The following TGFB2 variants were observed in gnomAD, a reference collection of about 807,000 sequenced individuals.
TGFB2 encodes the protein transforming growth factor beta-2 proprotein.
Under a neutral mutation model 42.7 loss-of-function variants are expected in TGFB2, and 13 were observed. The observed-to-expected ratio is 0.30, with a 90% CI of 0.20 to 0.48. TGFB2 has a LOEUF of 0.48. Among genes scored for constraint, TGFB2 ranks in the 20% least tolerant of loss-of-function variants. TGFB2 has a pLI of 0.99. For missense variants in TGFB2, 390 were observed against 517.5 expected (o/e 0.75, Z 2.39); for synonymous variants, 193 against 193.6 (o/e 1.00, Z 0.03).
chr1:218,422,986 G>C (rs1659505513), intron 2 of TGFB2, among the ~76,000 whole-genome samples: 1 of 152,110 alleles, frequency 6.6e-6, no homozygotes, highest in Non-Finnish European at 1.5e-5. Flanking sequence ...AATATTATTA[G>C]TTATTATTAT....
At chr1:218,377,715 A>G (rs1294061229) in intron 1 of TGFB2, among the ~76,000 whole-genome samples, 2 of 145,732 alleles carry the variant, frequency 1.4e-5, no homozygotes, top group Admixed American at 6.8e-5. Flanking sequence ...GTCGTGGCCT[A>G]TACCCTGGGT....
intron 2 of TGFB2, among the ~76,000 whole-genome samples, chr1:218,406,013 A>G (rs1483186864): frequency 6.6e-6 from 1 of 152,080 alleles, no homozygotes; most frequent in Non-Finnish European, 1.5e-5. Flanking sequence ...ACCTTCCTTT[A>G]TTCATCCTAT....
intron 2 of TGFB2, among the ~76,000 whole-genome samples, chr1:218,433,174 T>C (rs1485717797): frequency 6.6e-6 from 1 of 152,130 alleles, no homozygotes; most frequent in Non-Finnish European, 1.5e-5. Context: ...GTTCGGGTGA[T>C]TGTCCTGCTT....
At chr1:218,398,442 G>A (rs1487192368) in intron 1 of TGFB2, among the ~76,000 whole-genome samples, 1 of 152,136 alleles carries the variant, frequency 6.6e-6, no homozygotes, top group Admixed American at 6.5e-5. Context: ...CATCATTGGG[G>A]GACTTCTTGC....
chr1:218,432,039 G>A (rs927567380), intron 2 of TGFB2, among the ~76,000 whole-genome samples: 5 of 151,980 alleles, frequency 3.3e-5, no homozygotes, highest in African/African-American at 7.3e-5. Context: ...AAAAATCTTT[G>A]CCTCTGTCAT....
At chr1:218,441,100 A>C in intron 6 of TGFB2, 104 bp from the exon 7 acceptor site, 1 of 1,089,016 alleles carries the variant, frequency 9.2e-7, no homozygotes, top group Non-Finnish European at 1.3e-6. Context: ...TAAATTGCCT[A>C]CTCAGTGCTG....
intron 1 of TGFB2, among the ~76,000 whole-genome samples, chr1:218,380,950 T>G (rs1010433564): frequency 6.6e-6 from 1 of 152,202 alleles, no homozygotes; most frequent in Non-Finnish European, 1.5e-5. Context: ...ATGAGATAGA[T>G]GCTATTATTA....
chr1:218,356,723 C>T (rs1383463716), intron 1 of TGFB2, among the ~76,000 whole-genome samples: 1 of 152,160 alleles, frequency 6.6e-6, no homozygotes, highest in African/African-American at 2.4e-5. Flanking sequence ...TGTCCTGTCT[C>T]TCATCACTTC....
intron 1 of TGFB2, among the ~76,000 whole-genome samples, chr1:218,355,818 A>G (rs1183989651): frequency 1.3e-5 from 2 of 152,230 alleles, no homozygotes; most frequent in Non-Finnish European, 1.5e-5. Flanking sequence ...CCATTTAACT[A>G]TTAGTTATAA....
At chr1:218,421,516 CT>C (rs1343290771) in intron 2 of TGFB2, among the ~76,000 whole-genome samples, 1 of 151,970 alleles carries the variant, frequency 6.6e-6, no homozygotes, top group Admixed American at 6.6e-5. Context: ...GAAAAATACT[CT>C]GTGGGGGTAA....
At chr1:218,377,569 C>G in intron 1 of TGFB2, among the ~76,000 whole-genome samples, 1 of 152,146 alleles carries the variant, frequency 6.6e-6, no homozygotes, top group South Asian at 2.1e-4. Flanking sequence ...CAATGTAGTC[C>G]TCCTCCCCCT....
chr1:218,382,610 T>C (rs1334431347), intron 1 of TGFB2, among the ~76,000 whole-genome samples: 1 of 151,886 alleles, frequency 6.6e-6, no homozygotes, highest in Non-Finnish European at 1.5e-5. Context: ...GAAAGTGAGA[T>C]TTTTTTTTCT....
intron 1 of TGFB2, among the ~76,000 whole-genome samples, chr1:218,385,194 G>T (rs1658093653): frequency 2.0e-5 from 3 of 152,116 alleles, no homozygotes; most frequent in Admixed American, 2.0e-4. Flanking sequence ...CTCAAAAGTT[G>T]TTTAGAAGGG....
chr1:218,441,513 C>G lies in TGFB2; in HGVS notation c.*151C>G. The G allele has an allele frequency of 1.5e-6, 1 of 665,170 alleles. No homozygotes were observed. Among genetic ancestry groups the G allele is most frequent in the Non-Finnish European group, 2.3e-6 (1 of 440,554 alleles). 41.2% of individuals were successfully genotyped at this position (665,170 alleles called of 1,614,324 possible). A position where few individuals can be genotyped will look rare whatever the true frequency, so the allele number is the denominator to read the frequency against. ...TGAAAAGGCGGTACTAGTTCAGACA[C>G]TTTGGAAGTTTGTGTTCTGTTTGTT... On this transcript the variant is annotated 3_prime_UTR_variant, in exon 7 of 7. Coordinates refer to ENST00000366930, the MANE Select transcript of TGFB2 (RefSeq NM_003238.6).
rs188903221 is a variant in TGFB2, at chr1:218,354,780, A to C, written c.346+7733A>C. On this transcript the variant is annotated intron_variant, in intron 1 of 6. Coordinates refer to ENST00000366930, the MANE Select transcript of TGFB2 (RefSeq NM_003238.6). ...GTTAACAAGAATTACATTCACAAGC[A>C]CTGAGAAAATATACCTCTGAAGCAC... Among the ~76,000 whole-genome samples, 196 of 152,296 alleles carry C rather than the reference A, an allele frequency of 1.3e-3. 3 individuals carry two copies. The highest frequency in any genetic ancestry group is 2.9e-3 in the East Asian group (15 of 5,174).
intron 1 of TGFB2, among the ~76,000 whole-genome samples, chr1:218,348,653 A>C (rs1013679924): frequency 6.6e-6 from 1 of 152,230 alleles, no homozygotes; most frequent in Non-Finnish European, 1.5e-5. Flanking sequence ...AAAGCTTTCT[A>C]TCTGGGGTGG....
chr1:218,365,553 T>TC (rs371482190), intron 1 of TGFB2, among the ~76,000 whole-genome samples: 2 of 151,986 alleles, frequency 1.3e-5, no homozygotes, highest in African/African-American at 4.8e-5. Context: ...CCACATAGAT[T>TC]CCCATAACAG....
intron 4 of TGFB2, among the ~76,000 whole-genome samples, chr1:218,434,896 C>T (rs1032543475): frequency 6.6e-6 from 1 of 152,186 alleles, no homozygotes; most frequent in African/African-American, 2.4e-5. Flanking sequence ...ACTAACCTTC[C>T]ATGTATAAGA....
intron 2 of TGFB2, among the ~76,000 whole-genome samples, chr1:218,422,281 A>G (rs1378952958): frequency 6.6e-6 from 1 of 151,250 alleles, no homozygotes. Context: ...GCAGTGGTAC[A>G]ATCTTGGCTC....
Sources: allele counts gnomAD v4.1 joint callset (sites outside exome capture counted in the v4.1 genomes callset), GRCh38; gene constraint gnomAD v4.1.1; transcripts MANE v1.5; gene names NCBI Gene and HGNC (gene_info 2026-07-23, HGNC 2026-07-21).